COL11A2: variants seen among roughly 807,000 people sequenced by gnomAD.
COL11A2 encodes the protein collagen type XI alpha 2 chain.
COL11A2 carries 116 observed loss-of-function variants against 273.4 expected under a neutral mutation model. That is an observed-to-expected ratio of 0.42 (90% CI 0.36 to 0.49). The LOEUF is 0.49. Ranked by LOEUF, COL11A2 falls within the 20% of genes least tolerant of loss-of-function variation. The pLI is 0.00. For synonymous variants in COL11A2, 782 were observed against 864.2 expected, an observed-to-expected ratio of 0.90 and a Z score of 1.67; for missense variants, 1,866 against 2,309.0, an observed-to-expected ratio of 0.81 and a Z score of 3.93.
rs139350991 is a variant in COL11A2 at position 33,178,700 on chromosome 6, G to A, written c.1698C>T (p.Leu566=). 156 of 1,612,728 alleles carry A rather than the reference G, an allele frequency of 9.7e-5. 1 individual carries two copies. The highest frequency in any genetic ancestry group is 9.2e-5 in the Non-Finnish European group (109 of 1,179,954). ...GDRGFDGLPG[L]PGEKGHRGDT... is the part of the protein sequence containing the mutation. ...TCACCCTATGGCCCTTCTCTCCAGG[G>A]AGCCCTGGGAGTCCATCAAAACCTC... Residue 566 remains leucine, a synonymous_variant, in exon 18 of 66, where the codon CTC becomes CTT. Coordinates refer to ENST00000341947, the MANE Select transcript of COL11A2 (RefSeq NM_080680.3). The surrounding 1 kb of genome is among the most constrained non-coding windows in gnomAD (Gnocchi z 4.6).
At position 33,164,356 on chromosome 6, in the gene COL11A2, C is replaced by CA; in HGVS notation, c.4980dup (p.Asp1661Ter). The CA allele has an allele frequency of 6.2e-7, 1 of 1,612,762 alleles. No individual in the cohort carries two copies. ...GCCCCACGGAGTCTCAGGGGACCGT[C>CA]ACGGGCTGCTCCAGAGCAGGGGTAG... On this transcript the variant is annotated frameshift_variant, in exon 65 of 66. Transcript: ENST00000341947. LOFTEE classifies it high-confidence loss of function. This position sits in a 1 kb window ranked among gnomAD's most constrained non-coding sequence, Gnocchi z 4.7.
rs1425314558 is a variant in COL11A2, at chr6:33,186,671, G to A, written c.754C>T (p.Pro252Ser). 1.2e-6 allele frequency: 2 copies of A among 1,614,100 alleles called. No homozygotes were observed. Among genetic ancestry groups the A allele is most frequent in the Admixed American group, 3.3e-5 (2 of 60,018 alleles). ...HRAQRSPQQQPSRLHRPQNQE... is the reference protein window; with the variant it reads ...HRAQRSPQQQSSRLHRPQNQE... ...TTTTGTGGCCTGTGAAGTCTTGATG[G>A]TTGCTGCTGTGGAGATCTCTGGGCT... Residue 252 changes from proline (P) to serine (S), a missense_variant, in exon 5 of 66, where the codon CCA becomes TCA. Coordinates refer to ENST00000341947, the MANE Select transcript of COL11A2 (RefSeq NM_080680.3).
chr6:33,165,324 C>G lies in COL11A2; in HGVS notation c.4750+225G>C, dbSNP rs1402124361. On this transcript the variant is annotated intron_variant, in intron 63 of 65. Coordinates refer to ENST00000341947, the MANE Select transcript of COL11A2 (RefSeq NM_080680.3). This position sits in a 1 kb window ranked among gnomAD's most constrained non-coding sequence, Gnocchi z 7.7. ...GTGTGCACGTATGTATGTTTATCTG[C>G]TCCTGCAGACACTGGGCTGATAACC... 6.6e-6 allele frequency among the ~76,000 whole-genome samples: 1 copy of G among 152,158 alleles called. No homozygotes were observed. Among genetic ancestry groups the G allele is most frequent in the Non-Finnish European group, 1.5e-5 (1 of 68,020 alleles).
At position 33,167,257 on chromosome 6, in the gene COL11A2, C is replaced by T; in HGVS notation, c.4176+7G>A. The stretch of plus-strand genomic sequence containing the variant: ...ACCCCTCACTCAGCCCAATCCCAGT[C>T]ACTCACCACAGGACCTGGGGGCCCA... On this transcript the variant is annotated splice_region_variant and intron_variant, in intron 57 of 65. Coordinates refer to ENST00000341947, the MANE Select transcript of COL11A2 (RefSeq NM_080680.3). This position sits in a 1 kb window ranked among gnomAD's most constrained non-coding sequence, Gnocchi z 6.1. 1 of 1,614,134 alleles carries T rather than the reference C, an allele frequency of 6.2e-7. No individual in the cohort carries two copies. Among genetic ancestry groups the T allele is most frequent in the African/African-American group, 1.3e-5 (1 of 75,036 alleles).
At chr6:33,185,563 G>T in intron 6 of COL11A2, 138 bp downstream of exon 6, 1 of 474,034 alleles carries the variant, frequency 2.1e-6, no homozygotes, top group Non-Finnish European at 4.3e-6. Context: ...GGAGGGGGCA[G>T]GAACTAAGTA....
Position 33,166,302 on chromosome 6 carries a change from G to T in COL11A2, c.4393-96C>A. On this transcript the variant is annotated intron_variant, in intron 60 of 65. Coordinates refer to ENST00000341947, the MANE Select transcript of COL11A2 (RefSeq NM_080680.3). This position sits in a 1 kb window ranked among gnomAD's most constrained non-coding sequence, Gnocchi z 4.8. ...AAGGTCCCAAGTCCACAGGAGCCTCGGGTTACTACAGGAGGGGCAGTCTTG... is the reference window on the plus strand; with the variant it reads ...AAGGTCCCAAGTCCACAGGAGCCTCTGGTTACTACAGGAGGGGCAGTCTTG... The T allele has an allele frequency of 2.0e-6, 3 of 1,467,338 alleles. No individual in the cohort carries two copies. Among genetic ancestry groups the T allele is most frequent in the Non-Finnish European group, 2.8e-6 (3 of 1,080,738 alleles). The allele number at this position is 1,467,338 out of a possible 1,614,324, so 90.9% of individuals were successfully genotyped here.
At chr6:33,193,261 T>G (rs1773413198), upstream of COL11A2, among the ~76,000 whole-genome samples, 2 of 151,814 alleles carry the variant, frequency 1.3e-5, no homozygotes, top group South Asian at 4.1e-4. Flanking sequence ...CGGCGCCGGG[T>G]CTGCCCGGAG....
Position 33,178,640 on chromosome 6 carries a change from C to A in COL11A2, c.1719+39G>T. On this transcript the variant is annotated intron_variant, in intron 18 of 65. Transcript: ENST00000341947. This position sits in a 1 kb window ranked among gnomAD's most constrained non-coding sequence, Gnocchi z 4.6. ...ACCTATCCTCACTCCCATAGAAGAT[C>A]TATCCCCAATTACAACACACACCCA... 6.2e-7 allele frequency: 1 copy of A among 1,611,516 alleles called. No homozygotes were observed. Among genetic ancestry groups the A allele is most frequent in the South Asian group, 1.1e-5 (1 of 91,062 alleles).
chr6:33,182,875 A>G (rs921004500), intron 8 of COL11A2, among the ~76,000 whole-genome samples: 15 of 152,100 alleles, frequency 9.9e-5, no homozygotes, highest in African/African-American at 3.6e-4. Flanking sequence ...AGAATGGGAG[A>G]CATTCACCAC....
At position 33,173,959 on chromosome 6, in the gene COL11A2, CA is replaced by C; in HGVS notation, c.2530-34del. The C allele has an allele frequency of 3.1e-6, 5 of 1,614,042 alleles. No homozygotes were observed. The highest frequency in any genetic ancestry group is 3.4e-6 in the Non-Finnish European group (4 of 1,179,976). On this transcript the variant is annotated intron_variant, in intron 33 of 65. Transcript: ENST00000341947. This position sits in a 1 kb window ranked among gnomAD's most constrained non-coding sequence, Gnocchi z 6.3. ...GGGAAGAGGAGTTGTCAGAGAAACC[CA>C]AATGCCCCCCTCTGGACCTTGAGCC... is the stretch of plus-strand genomic sequence containing the variant.
Position 33,174,566 on chromosome 6 carries a change from A to G in COL11A2, c.2391T>C (p.Val797=). 1 of 1,612,494 alleles carries G rather than the reference A, an allele frequency of 6.2e-7. No individual in the cohort carries two copies. Among genetic ancestry groups the G allele is most frequent in the African/African-American group, 1.3e-5 (1 of 74,954 alleles). The part of the protein sequence containing the change: ...GLMGEKGKLG[V]PGLPGYPGRQ... The stretch of plus-strand genomic sequence containing the variant: ...GTCCAGGATAGCCAGGCAGACCAGG[A>G]ACACCCAGCTTGCCCTGTGGAGGGA... The change falls in exon 31 of 66, where the codon GTT becomes GTC. Residue 797 remains valine (V), a synonymous_variant. Transcript: ENST00000341947.
chr6:33,186,272 G>A lies in COL11A2; in HGVS notation c.798+355C>T, dbSNP rs12526336. Among the ~76,000 whole-genome samples the A allele has an allele frequency of 0.11, 16,198 of 151,338 alleles. 1,312 individuals are homozygous for A. The highest frequency in any genetic ancestry group is 0.23 in the Admixed American group (3,509 of 15,220). On this transcript the variant is annotated intron_variant, in intron 5 of 65. Transcript: ENST00000341947. ...TCCTCCTCCTTGGTCTCACCATCCC[G>A]ACTGCTTTCTCCTGGCTTCAGTCCC...
At chr6:33,192,527 C>T, upstream of COL11A2, 1 of 518,148 alleles carries the variant, frequency 1.9e-6, no homozygotes, top group South Asian at 2.2e-5. Context: ...GCCCGGCCCC[C>T]GCCTCCAGCC....
At position 33,175,616 on chromosome 6, in the gene COL11A2, T is replaced by C. The variant is rs1340449090; in HGVS notation, c.2334A>G (p.Gly778=). Residue 778 remains glycine (G), a synonymous_variant, in exon 30 of 66, where the codon GGA becomes GGG. Coordinates refer to ENST00000341947, the MANE Select transcript of COL11A2 (RefSeq NM_080680.3). ...CTGGGGGCCCAGGGTCTCCAGTCGG[T>C]CCAGTGCGTCCCTTTGGCCCCTCAG... The part of the protein sequence containing the change: ...DGPEGPKGRT[G]PTGDPGPPGL... The C allele has an allele frequency of 1.9e-6, 3 of 1,612,686 alleles. No individual in the cohort carries two copies. Among genetic ancestry groups the C allele is most frequent in the Non-Finnish European group, 2.5e-6 (3 of 1,179,982 alleles).
chr6:33,171,299 T>C lies in COL11A2; in HGVS notation c.3284A>G (p.Lys1095Arg). The part of the protein sequence containing the change: ...DKGEVGDPGQ[K>R]GTKGNKGEHG... ...TTCACCCTTGTTCCCTTTGGTGCCC[T>C]TCTGTCCGGGGTCCCCCACCTCACC... Residue 1095 changes from lysine (K) to arginine (R), a missense_variant, in exon 44 of 66, where the codon AAG becomes AGG. By Grantham distance (26) the Lys-to-Arg change is conservative. Coordinates refer to ENST00000341947, the MANE Select transcript of COL11A2 (RefSeq NM_080680.3). 6.2e-7 allele frequency: 1 copy of C among 1,614,158 alleles called. No homozygotes were observed. Among genetic ancestry groups the C allele is most frequent in the South Asian group, 1.1e-5 (1 of 91,086 alleles).
Position 33,177,816 on chromosome 6 carries a change from C to T in COL11A2, c.1873-110G>A, listed in dbSNP as rs1562355388. 3 of 1,164,066 alleles carry T rather than the reference C, an allele frequency of 2.6e-6. No homozygotes were observed. The highest frequency in any genetic ancestry group is 2.5e-6 in the Non-Finnish European group (2 of 787,644). The allele number at this position is 1,164,066 out of a possible 1,614,324, so 72.1% of individuals were successfully genotyped here. Reference sequence around the variant, plus strand: ...TGACGGTCAGACCTCCAATCCATCCCAAACCCAAGCAAACACAGCTGGCCC... The same window carrying T: ...TGACGGTCAGACCTCCAATCCATCCTAAACCCAAGCAAACACAGCTGGCCC... On this transcript the variant is annotated intron_variant, in intron 21 of 65. Transcript: ENST00000341947. The surrounding 1 kb of genome is among the most constrained non-coding windows in gnomAD (Gnocchi z 5.9).
In COL11A2 at chr6:33,175,585, T is replaced by A. The variant is rs757671138; in HGVS notation, c.2365A>T (p.Met789Leu). 2 of 1,612,848 alleles carry A rather than the reference T, an allele frequency of 1.2e-6. No individual in the cohort carries two copies. Among genetic ancestry groups the A allele is most frequent in the Non-Finnish European group, 1.7e-6 (2 of 1,179,922 alleles). ...PTGDPGPPGL[M>L]GEKGKLGVPG... ...CCTCATCCCATCACCTTCTCGCCCA[T>A]GAGCCCTGGGGGCCCAGGGTCTCCA... Residue 789 changes from methionine (M) to leucine (L), a missense_variant, in exon 30 of 66, where the codon ATG (methionine) becomes TTG (leucine). By Grantham distance (15) the Met-to-Leu change is conservative. Transcript: ENST00000341947.
In COL11A2 at chr6:33,190,888, G is replaced by T. The variant is rs1439271945; in HGVS notation, c.82+1271C>A. On this transcript the variant is annotated intron_variant, in intron 1 of 65. Transcript: ENST00000341947. The surrounding 1 kb of genome is among the most constrained non-coding windows in gnomAD (Gnocchi z 4.5). ...GATCATATGGACAACCTACCCACAG[G>T]TCCGCCCACCATCTTCCCACACCAG... 5.9e-5 allele frequency among the ~76,000 whole-genome samples: 9 copies of T among 151,826 alleles called. No homozygotes were observed. Among genetic ancestry groups the T allele is most frequent in the African/African-American group, 2.2e-4 (9 of 41,298 alleles).
At chr6:33,191,639 G>C (rs539837982) in intron 1 of COL11A2, among the ~76,000 whole-genome samples, 1 of 152,228 alleles carries the variant, frequency 6.6e-6, no homozygotes, top group Admixed American at 6.5e-5. Flanking sequence ...TGGCAGCATC[G>C]AGGGCACAGG....
Sources: gnomAD v4.1 joint callset for allele counts (sites outside exome capture counted in the v4.1 genomes callset) on GRCh38, gnomAD v4.1.1 for gene constraint, Gnocchi (gnomAD v3.1) non-coding constraint, MANE v1.5 for transcripts, NCBI Gene and HGNC (gene_info 2026-07-23, HGNC 2026-07-21) for gene names.